PSEN1: variants seen among roughly 807,000 people sequenced by gnomAD.
PSEN1 encodes presenilin-1.
PSEN1 carries 15 observed loss-of-function variants against 53.5 expected under a neutral mutation model. The observed-to-expected ratio is 0.28, with a 90% confidence interval of 0.19 to 0.43. The LOEUF is 0.43. Ranked by LOEUF, PSEN1 falls within the 20% of genes least tolerant of loss-of-function variation. The pLI is 1.00. For synonymous variants in PSEN1, 208 were observed against 209.8 expected, an observed-to-expected ratio of 0.99 and a Z score of 0.08; for missense variants, 387 against 571.2, an observed-to-expected ratio of 0.68 and a Z score of 3.29.
At chr14:73,166,555 A>G (rs771706232) in intron 3 of PSEN1, among the ~76,000 whole-genome samples, 2 of 152,256 alleles carry the variant, frequency 1.3e-5, no homozygotes, top group African/African-American at 2.4e-5. Flanking sequence ...CAGCCAATCA[A>G]GTTGTTCAGA....
intron 5 of PSEN1, chr14:73,174,092 T>C (rs1897975014): frequency 3.7e-6 from 1 of 269,092 alleles, no homozygotes; most frequent in Admixed American, 4.9e-5. Flanking sequence ...TTATCAAGAT[T>C]TAGTGATAAT....
intron 10 of PSEN1, among the ~76,000 whole-genome samples, chr14:73,215,346 G>T (rs1899869084): frequency 6.6e-6 from 1 of 151,500 alleles, no homozygotes; most frequent in African/African-American, 2.4e-5. Context: ...CACTTTGGGA[G>T]ACCAAGGTTG....
chr14:73,201,364 G>A (rs1237480940), intron 8 of PSEN1, among the ~76,000 whole-genome samples: 1 of 152,058 alleles, frequency 6.6e-6, no homozygotes, highest in Non-Finnish European at 1.5e-5. Context: ...GGGATTACAG[G>A]CGTGAGCCAC....
intron 1 of PSEN1, among the ~76,000 whole-genome samples, chr14:73,145,369 C>G (rs1372419736): frequency 6.6e-6 from 1 of 152,052 alleles, no homozygotes; most frequent in Non-Finnish European, 1.5e-5. Context: ...GGGTCTCACT[C>G]TGTCACTCAG....
At chr14:73,184,872 G>A (rs1318075549) in intron 5 of PSEN1, among the ~76,000 whole-genome samples, 5 of 143,550 alleles carry the variant, frequency 3.5e-5, no homozygotes, top group African/African-American at 1.3e-4. Context: ...GGGCGGAGGG[G>A]CTCCTCACTT....
At chr14:73,158,755 C>G (rs1241658765) in intron 3 of PSEN1, among the ~76,000 whole-genome samples, 1 of 152,164 alleles carries the variant, frequency 6.6e-6, no homozygotes, top group East Asian at 1.9e-4. Flanking sequence ...AGCCTCTATG[C>G]CCAGCCTTAT....
chr14:73,191,017 G>C (rs938314612), intron 6 of PSEN1, among the ~76,000 whole-genome samples: 4 of 152,216 alleles, frequency 2.6e-5, no homozygotes, highest in African/African-American at 9.6e-5. Context: ...CTAAAGGCGT[G>C]CTTGCTTTCT....
intron 5 of PSEN1, among the ~76,000 whole-genome samples, chr14:73,174,800 C>T (rs1402792138): frequency 6.6e-6 from 1 of 152,128 alleles, no homozygotes; most frequent in East Asian, 1.9e-4. Context: ...CTACTTCCTT[C>T]CTTGGGAAGT....
chr14:73,166,140 T>C (rs1179306122), intron 3 of PSEN1, among the ~76,000 whole-genome samples: 4 of 152,154 alleles, frequency 2.6e-5, no homozygotes, highest in Admixed American at 1.3e-4. Context: ...ATGTTACTGT[T>C]AAGTTAAACA....
chr14:73,192,911 G>T, intron 7 of PSEN1, 47 bp downstream of exon 7: 3 of 1,430,062 alleles, frequency 2.1e-6, no homozygotes, highest in Non-Finnish European at 3.0e-6. Flanking sequence ...ATGCCCCACT[G>T]GAGTGTTTTC....
At chr14:73,194,658 T>G (rs572439776) in intron 7 of PSEN1, among the ~76,000 whole-genome samples, 1 of 149,962 alleles carries the variant, frequency 6.7e-6, no homozygotes, top group African/African-American at 2.5e-5. Context: ...AAGCTTCGCC[T>G]CCCAGGTTCA....
chr14:73,156,438 G>A (rs1257366908), intron 3 of PSEN1, among the ~76,000 whole-genome samples: 1 of 151,622 alleles, frequency 6.6e-6, no homozygotes, highest in Non-Finnish European at 1.5e-5. Context: ...AAATGCAAAA[G>A]GCTTCAAGTT....
chr14:73,211,992 A>G, intron 10 of PSEN1, 50 bp downstream of exon 10: 2 of 1,513,344 alleles, frequency 1.3e-6, no homozygotes, highest in Non-Finnish European at 1.8e-6. Context: ...TTAGGTAGCT[A>G]CATTATCAAC....
intron 8 of PSEN1, among the ~76,000 whole-genome samples, chr14:73,199,267 G>C (rs1899080940): frequency 6.6e-6 from 1 of 152,176 alleles, no homozygotes; most frequent in South Asian, 2.1e-4. Context: ...TGGTAGTTAA[G>C]GTCTGTGAGC....
At chr14:73,142,603 T>A (rs1025357520) in intron 1 of PSEN1, among the ~76,000 whole-genome samples, 1 of 152,218 alleles carries the variant, frequency 6.6e-6, no homozygotes, top group African/African-American at 2.4e-5. Flanking sequence ...ACGTATTAAT[T>A]CTTTTCTGTT....
Position 73,192,873 on chromosome 14 carries a change from C to G in PSEN1, c.769+9C>G. 1.9e-6 allele frequency: 3 copies of G among 1,586,960 alleles called. No homozygotes were observed. Among genetic ancestry groups the G allele is most frequent in the Non-Finnish European group, 2.6e-6 (3 of 1,155,648 alleles). On this transcript the variant is annotated intron_variant, in intron 7 of 11. Coordinates refer to ENST00000324501, the MANE Select transcript of PSEN1 (RefSeq NM_000021.4). ...TGTGATTTCAGTATATGGTAAAACC[C>G]AAGACTGATAATTTGTTTGTCACAG...
In PSEN1 at chr14:73,205,215, G is replaced by A. The variant is rs150831684; in HGVS notation, c.869-1171G>A. Reference sequence around the variant, plus strand: ...GACCAGGCCGGGCGTGGTGGCTCACGCCTGTAATCCCAGCACTTTGGGAGG... The same window carrying A: ...GACCAGGCCGGGCGTGGTGGCTCACACCTGTAATCCCAGCACTTTGGGAGG... On this transcript the variant is annotated intron_variant, in intron 8 of 11. Coordinates refer to ENST00000324501, the MANE Select transcript of PSEN1 (RefSeq NM_000021.4). Among the ~76,000 whole-genome samples, 1,363 of 152,116 alleles carry A rather than the reference G, an allele frequency of 9.0e-3. 19 individuals carry two copies. Among genetic ancestry groups the A allele is most frequent in the African/African-American group, 0.029 (1,193 of 41,524 alleles).
intron 5 of PSEN1, among the ~76,000 whole-genome samples, chr14:73,174,889 A>G (rs778830763): frequency 1.3e-5 from 2 of 152,130 alleles, no homozygotes; most frequent in African/African-American, 4.8e-5. Flanking sequence ...TCTTTTGCCA[A>G]AGTGACCTAC....
intron 3 of PSEN1, among the ~76,000 whole-genome samples, chr14:73,158,282 T>TCTATCTATCTA (rs1555351588): frequency 1.4e-5 from 2 of 141,464 alleles, no homozygotes; most frequent in Non-Finnish European, 3.1e-5. Flanking sequence ...TAACTTTTTT[T>TCTATCTATCTA]TCTATCTATC....
Sources: gnomAD v4.1 joint callset for allele counts (sites outside exome capture counted in the v4.1 genomes callset) on GRCh38, gnomAD v4.1.1 for gene constraint, MANE v1.5 for transcripts, NCBI Gene and HGNC (gene_info 2026-07-23, HGNC 2026-07-21) for gene names.